RAD51B: variants seen among roughly 807,000 people sequenced by gnomAD.
The protein encoded by RAD51B is RAD51 paralog B, also known as DNA repair protein RAD51 homolog 2.
RAD51B carries 38 observed loss-of-function variants against 42.2 expected under a neutral mutation model. The ratio of observed to expected loss-of-function variants is 0.90; its 90% CI spans 0.70 to 1.18. The LOEUF (loss-of-function observed/expected upper bound fraction) is 1.18, where lower values mean the gene tolerates loss of function less well. Ranked by LOEUF, RAD51B falls within the 50% of genes most tolerant of loss-of-function variation. The pLI is 0.00. For synonymous variants in RAD51B, 154 were observed against 145.2 expected, an observed-to-expected ratio of 1.06 and a Z score of -0.43; for missense variants, 373 against 400.7, an observed-to-expected ratio of 0.93 and a Z score of 0.59.
intron 7 of RAD51B, among the ~76,000 whole-genome samples, chr14:68,059,852 A>T (rs2076541257): frequency 6.6e-6 from 1 of 152,228 alleles, no homozygotes; most frequent in Admixed American, 6.5e-5. Context: ...AGTAAACTGA[A>T]TTATAAATCC....
chr14:67,964,695 T>G (rs1423547093), intron 7 of RAD51B, among the ~76,000 whole-genome samples: 1 of 152,148 alleles, frequency 6.6e-6, no homozygotes, highest in Admixed American at 6.5e-5. Context: ...TTTTAGAATG[T>G]TAAGTGGTAG....
chr14:68,441,879 T>G (rs1372125432), intron 9 of RAD51B, among the ~76,000 whole-genome samples: 1 of 152,236 alleles, frequency 6.6e-6, no homozygotes, highest in Non-Finnish European at 1.5e-5. Flanking sequence ...CTGGCCACAT[T>G]GTTTGTGCTA....
chr14:68,415,031 CAAA>C (rs71129885), intron 9 of RAD51B, among the ~76,000 whole-genome samples: 4 of 32,512 alleles, frequency 1.2e-4, no homozygotes, highest in African/African-American at 2.2e-4. Context: ...GACTCTGTCT[CAAA>C]AAAAAAAAAA....
chr14:68,052,628 C>CT (rs57405601), intron 7 of RAD51B, among the ~76,000 whole-genome samples: 66 of 143,974 alleles, frequency 4.6e-4, no homozygotes, highest in East Asian at 6.0e-4. Flanking sequence ...TCTTCTTCTT[C>CT]TTTTTTTTTT....
At chr14:67,954,422 T>C (rs986061910) in intron 7 of RAD51B, among the ~76,000 whole-genome samples, 7 of 152,144 alleles carry the variant, frequency 4.6e-5, no homozygotes, top group Admixed American at 1.3e-4. Flanking sequence ...GCTTTCTAAA[T>C]CAGCACCTGA....
intron 7 of RAD51B, among the ~76,000 whole-genome samples, chr14:67,977,874 A>G (rs546438372): frequency 2.0e-5 from 3 of 152,296 alleles, no homozygotes; most frequent in South Asian, 2.1e-4. Flanking sequence ...CGGCCACTTT[A>G]AATTTAGTTC....
At chr14:67,832,104 T>C (rs2041073230) in intron 3 of RAD51B, among the ~76,000 whole-genome samples, 1 of 152,218 alleles carries the variant, frequency 6.6e-6, no homozygotes, top group Admixed American at 6.5e-5. Flanking sequence ...TGTTAGGGAA[T>C]ATTATGTAGG....
intron 10 of RAD51B, among the ~76,000 whole-genome samples, chr14:68,516,083 C>T (rs925254251): frequency 2.6e-5 from 4 of 152,282 alleles, no homozygotes; most frequent in African/African-American, 9.6e-5. Flanking sequence ...CCACGCCCTG[C>T]CCGGAAGCTG....
chr14:68,081,643 G>C (rs146983454), intron 7 of RAD51B, among the ~76,000 whole-genome samples: 22 of 152,320 alleles, frequency 1.4e-4, no homozygotes, highest in South Asian at 1.0e-3. Context: ...CTGAATGAGA[G>C]CTCTGAAGGA....
chr14:68,597,186 G>A (rs1386976100), downstream of RAD51B, among the ~76,000 whole-genome samples: 1 of 152,138 alleles, frequency 6.6e-6, no homozygotes, highest in African/African-American at 2.4e-5. Flanking sequence ...CTGAGAATGG[G>A]GCCCGTGCTC....
At chr14:68,153,797 CCCTAATTGGG>C (rs2078440960) in intron 7 of RAD51B, among the ~76,000 whole-genome samples, 1 of 152,124 alleles carries the variant, frequency 6.6e-6, no homozygotes, top group African/African-American at 2.4e-5. Flanking sequence ...CCTACTTCCA[CCCTAATTGGG>C]CAAATAGACT....
At chr14:68,541,638 G>A (rs1887973175) in intron 10 of RAD51B, 3 of 985,326 alleles carry the variant, frequency 3.0e-6, no homozygotes, top group Non-Finnish European at 3.6e-6. Context: ...TTGTAGCAAA[G>A]CTGTATTGTC....
intron 10 of RAD51B, among the ~76,000 whole-genome samples, chr14:68,547,723 C>T (rs1162538159): frequency 6.6e-6 from 1 of 152,170 alleles, no homozygotes; most frequent in African/African-American, 2.4e-5. Flanking sequence ...TTTTCCTGGG[C>T]GTTTTTCCTT....
intron 7 of RAD51B, among the ~76,000 whole-genome samples, chr14:68,290,570 T>G (rs2081496233): frequency 6.6e-6 from 1 of 152,222 alleles, no homozygotes; most frequent in South Asian, 2.1e-4. Flanking sequence ...AACTTTATTT[T>G]GTATAAGTAG....
chr14:68,053,291 T>C (rs752174562), intron 7 of RAD51B, among the ~76,000 whole-genome samples: 47 of 152,336 alleles, frequency 3.1e-4, no homozygotes, highest in African/African-American at 9.9e-4. Context: ...GAATGGGCTC[T>C]AGAAATTTAC....
chr14:68,135,541 G>A (rs193102798), intron 7 of RAD51B, among the ~76,000 whole-genome samples: 22 of 152,246 alleles, frequency 1.4e-4, no homozygotes, highest in Non-Finnish European at 2.6e-4. Flanking sequence ...TGCCCTCATG[G>A]AGCTTACAAT....
chr14:67,993,738 C>T (rs532505563), intron 7 of RAD51B, among the ~76,000 whole-genome samples: 1 of 152,200 alleles, frequency 6.6e-6, no homozygotes, highest in South Asian at 2.1e-4. Context: ...CATATTGTAA[C>T]TCTATTTTTA....
chr14:68,636,002 A>G (rs372850718), intron 10 of RAD51B, among the ~76,000 whole-genome samples: 1 of 152,272 alleles, frequency 6.6e-6, no homozygotes, highest in East Asian at 1.9e-4. Context: ...AATTGCTACT[A>G]ATTTAATGGC....
intron 11 of RAD51B, among the ~76,000 whole-genome samples, chr14:68,662,525 CTGTT>C (rs1420064399): frequency 6.6e-6 from 1 of 152,224 alleles, no homozygotes; most frequent in Non-Finnish European, 1.5e-5. Context: ...TGACATCCAT[CTGTT>C]TGTTAGCAGC....
Sources: allele counts gnomAD v4.1 joint callset (sites outside exome capture counted in the v4.1 genomes callset), GRCh38; gene constraint gnomAD v4.1.1; transcripts MANE v1.5; gene names NCBI Gene and HGNC (gene_info 2026-07-23, HGNC 2026-07-21).